Variants in PLGRKT observed in about 807,000 individuals in gnomAD.
PLGRKT encodes the protein plasminogen receptor with a C-terminal lysine.
PLGRKT carries 22 observed loss-of-function variants against 18.5 expected under a neutral mutation model. The ratio of observed to expected loss-of-function variants is 1.19; its 90% CI spans 0.85 to 1.70. PLGRKT has a LOEUF of 1.70. Among genes scored for constraint, PLGRKT ranks in the 40% most tolerant of loss-of-function variants. The pLI, the probability that PLGRKT is intolerant of heterozygous loss-of-function variation, is 0.00. For missense variants in PLGRKT, 235 were observed against 174.4 expected (o/e 1.35, Z -1.96); for synonymous variants, 72 against 52.8 (o/e 1.36, Z -1.58).
intron 3 of PLGRKT, among the ~76,000 whole-genome samples, chr9:5,366,185 AAATG>A (rs1187797462): frequency 3.9e-5 from 6 of 152,182 alleles, no homozygotes; most frequent in Non-Finnish European, 7.3e-5. Flanking sequence ...ATAAAGGGAT[AAATG>A]AATTAATGCA....
intron 3 of PLGRKT, among the ~76,000 whole-genome samples, chr9:5,407,434 C>G (rs559498797): frequency 6.6e-6 from 1 of 152,126 alleles, no homozygotes; most frequent in Non-Finnish European, 1.5e-5. Context: ...TAATTTGAAA[C>G]ACTTCAGAAC....
At chr9:5,370,159 C>G (rs1277871078) in intron 3 of PLGRKT, among the ~76,000 whole-genome samples, 5 of 152,154 alleles carry the variant, frequency 3.3e-5, no homozygotes, top group African/African-American at 1.2e-4. Flanking sequence ...GAACCACATT[C>G]TAAACACATT....
rs71326158 is a variant in PLGRKT at position 5,371,986 on chromosome 9, C to CTTTTTTTTTTTTTTTTT, written c.82-10099_82-10098insAAAAAAAAAAAAAAAAA. Among the ~76,000 whole-genome samples, 262 of 89,098 alleles carry CTTTTTTTTTTTTTTTTT rather than the reference C, an allele frequency of 2.9e-3. 60 individuals are homozygous for CTTTTTTTTTTTTTTTTT. The highest frequency in any genetic ancestry group is 0.012 in the African/African-American group (240 of 19,510). 58.5% of individuals were successfully genotyped at this position (89,098 alleles called of 152,430 possible). On this transcript the variant is annotated intron_variant, in intron 3 of 5. Coordinates refer to ENST00000223864, the MANE Select transcript of PLGRKT (RefSeq NM_018465.4). ...CTGCAAAAAACAATATCAGAAAATC[C>CTTTTTTTTTTTTTTTTT]TTTTTTTTTTTTTGATATGGAGTCT...
At chr9:5,372,142 C>T (rs576280899) in intron 3 of PLGRKT, among the ~76,000 whole-genome samples, 3 of 151,798 alleles carry the variant, frequency 2.0e-5, no homozygotes, top group African/African-American at 7.3e-5. Context: ...CCACCACGCC[C>T]AGCTAATTTT....
At chr9:5,399,228 A>T (rs910948737) in intron 3 of PLGRKT, among the ~76,000 whole-genome samples, 1 of 151,908 alleles carries the variant, frequency 6.6e-6, no homozygotes. Context: ...GTAATTAAAT[A>T]TTTTTTCTCC....
chr9:5,433,997 GGGA>G (rs1161814144), intron 2 of PLGRKT, among the ~76,000 whole-genome samples: 2 of 133,614 alleles, frequency 1.5e-5, no homozygotes, highest in Admixed American at 7.5e-5. Flanking sequence ...TGCCCCGTCT[GGGA>G]GGAAGTGAGG....
intron 3 of PLGRKT, among the ~76,000 whole-genome samples, chr9:5,413,031 C>T (rs976419963): frequency 3.3e-5 from 5 of 152,134 alleles, no homozygotes; most frequent in Non-Finnish European, 2.9e-5. Flanking sequence ...TAAAGCAAGA[C>T]TGAGATACCA....
chr9:5,431,877 T>A lies in PLGRKT; in HGVS notation c.81+20A>T. On this transcript the variant is annotated intron_variant, in intron 3 of 5. Coordinates refer to ENST00000223864, the MANE Select transcript of PLGRKT (RefSeq NM_018465.4). Reference sequence around the variant, plus strand: ...TTAAGCATTGTAACAACATAATAGCTTAATTATTTTAAAACATACCTGAAG... The same window carrying A: ...TTAAGCATTGTAACAACATAATAGCATAATTATTTTAAAACATACCTGAAG... 1 of 1,201,006 alleles carries A rather than the reference T, an allele frequency of 8.3e-7. No individual in the cohort carries two copies. Among genetic ancestry groups the A allele is most frequent in the East Asian group, 2.3e-5 (1 of 42,950 alleles). The allele number at this position is 1,201,006 out of a possible 1,614,324, so 74.4% of individuals were successfully genotyped here. A position where few individuals can be genotyped will look rare whatever the true frequency, so the allele number is the denominator to read the frequency against.
intron 3 of PLGRKT, among the ~76,000 whole-genome samples, chr9:5,411,982 A>C (rs1818374906): frequency 6.6e-6 from 1 of 152,254 alleles, no homozygotes; most frequent in Non-Finnish European, 1.5e-5. Flanking sequence ...AAAATCAAAC[A>C]TGAAAGATTA....
intron 3 of PLGRKT, among the ~76,000 whole-genome samples, chr9:5,427,057 T>C (rs1014816206): frequency 2.0e-5 from 3 of 152,216 alleles, no homozygotes; most frequent in African/African-American, 7.2e-5. Context: ...GAGTTACCCA[T>C]GGTCAACCTC....
At chr9:5,438,263 G>A (rs984223528), upstream of PLGRKT, among the ~76,000 whole-genome samples, 1 of 152,206 alleles carries the variant, frequency 6.6e-6, no homozygotes, top group African/African-American at 2.4e-5. Flanking sequence ...TCAGAGAGAT[G>A]TCGGTCTCGC....
intron 3 of PLGRKT, among the ~76,000 whole-genome samples, chr9:5,373,342 GAACT>G (rs1817565107): frequency 6.6e-6 from 1 of 152,108 alleles, no homozygotes. Context: ...ATTCCTCAGA[GAACT>G]AACTGGGAGA....
At chr9:5,409,772 G>A (rs548493214) in intron 3 of PLGRKT, among the ~76,000 whole-genome samples, 2 of 152,298 alleles carry the variant, frequency 1.3e-5, no homozygotes, top group African/African-American at 4.8e-5. Flanking sequence ...TGACTGCCCT[G>A]CTGGGTTTTA....
At chr9:5,411,396 A>C (rs992286541) in intron 3 of PLGRKT, among the ~76,000 whole-genome samples, 19 of 146,750 alleles carry the variant, frequency 1.3e-4, no homozygotes, top group Admixed American at 6.1e-4. Context: ...AAAAAAAAAA[A>C]AAAGAAAAGA....
chr9:5,408,823 C>T (rs1293081721), intron 3 of PLGRKT, among the ~76,000 whole-genome samples: 1 of 152,242 alleles, frequency 6.6e-6, no homozygotes, highest in Non-Finnish European at 1.5e-5. Flanking sequence ...CCCTGCACAG[C>T]CTTGGGACAC....
chr9:5,396,691 A>C (rs964999174), intron 3 of PLGRKT, among the ~76,000 whole-genome samples: 3 of 152,022 alleles, frequency 2.0e-5, no homozygotes, highest in African/African-American at 7.3e-5. Flanking sequence ...ATTTAAAAAT[A>C]ATAAATAAAG....
intron 3 of PLGRKT, among the ~76,000 whole-genome samples, chr9:5,371,186 G>A (rs911762): frequency 0.73 from 110,580 of 152,122 alleles, 41,420 homozygotes; most frequent in African/African-American, 0.91. Flanking sequence ...GCCAAATGCC[G>A]TATTAAGAGG....
intron 3 of PLGRKT, among the ~76,000 whole-genome samples, chr9:5,411,789 G>C (rs1452123206): frequency 6.6e-6 from 1 of 152,128 alleles, no homozygotes; most frequent in Non-Finnish European, 1.5e-5. Context: ...TTAGCCTACA[G>C]TTTATTTATA....
chr9:5,415,040 T>C (rs1818432825), intron 3 of PLGRKT, among the ~76,000 whole-genome samples: 1 of 152,230 alleles, frequency 6.6e-6, no homozygotes, highest in African/African-American at 2.4e-5. Flanking sequence ...AGCCCAGGTC[T>C]TGATTTCCAA....
Sources: gnomAD v4.1 joint callset for allele counts (sites outside exome capture counted in the v4.1 genomes callset) on GRCh38, gnomAD v4.1.1 for gene constraint, MANE v1.5 for transcripts, NCBI Gene and HGNC (gene_info 2026-07-23, HGNC 2026-07-21) for gene names.